The following UCHL5 variants were observed in gnomAD, a reference collection of about 807,000 sequenced individuals.
UCHL5 encodes ubiquitin C-terminal hydrolase L5.
Under a neutral mutation model 53.8 loss-of-function variants are expected in UCHL5, and 34 were observed. The ratio of observed to expected loss-of-function variants is 0.63; its 90% CI spans 0.48 to 0.84. The LOEUF (loss-of-function observed/expected upper bound fraction) is 0.84. Ranked by LOEUF, UCHL5 falls within the 40% of genes least tolerant of loss-of-function variation. The probability of loss-of-function intolerance (pLI) is 0.00; values close to 1 mark genes in which losing one functional copy is unlikely to be tolerated. For synonymous variants in UCHL5, 111 were observed against 126.3 expected, an observed-to-expected ratio of 0.88 and a Z score of 0.81; for missense variants, 290 against 385.6, an observed-to-expected ratio of 0.75 and a Z score of 2.08.
intron 10 of UCHL5, among the ~76,000 whole-genome samples, chr1:193,017,486 C>T (rs1006164713): frequency 3.3e-5 from 5 of 151,540 alleles, no homozygotes; most frequent in African/African-American, 4.8e-5. Context: ...CCAACATCAA[C>T]GTTTTTAGTT....
Position 193,049,763 on chromosome 1 carries a change from T to A in UCHL5, c.229A>T (p.Ile77Leu). Residue 77 changes from isoleucine to leucine, a missense_variant, in exon 3 of 11, where the codon ATA becomes TTA. By Grantham distance (5) the Ile-to-Leu change is conservative (BLOSUM62 2). Transcript: ENST00000367454. ...SVVQDSRLDT[I>L]FFAKQVINNA... ...GACCATACCTGCTTAGCAAAAAATA[T>A]CGTGTCAAGTCGGGAGTCCTGAACC... 9 of 1,610,854 alleles carry A rather than the reference T, an allele frequency of 5.6e-6. No homozygotes were observed. Among genetic ancestry groups the A allele is most frequent in the Non-Finnish European group, 7.6e-6 (9 of 1,178,304 alleles).
rs1249272969 is a variant in UCHL5 at position 193,022,906 on chromosome 1, A to G, written c.843+20T>C. 2 of 1,534,010 alleles carry G rather than the reference A, an allele frequency of 1.3e-6. No individual in the cohort carries two copies. Among genetic ancestry groups the G allele is most frequent in the Non-Finnish European group, 1.8e-6 (2 of 1,109,660 alleles). ...TGCTCTATATTAAAACATTAAAGGAACACATTTTTAAAAACATACCTTGTA... is the reference window on the plus strand; with the variant it reads ...TGCTCTATATTAAAACATTAAAGGAGCACATTTTTAAAAACATACCTTGTA... On this transcript the variant is annotated intron_variant, in intron 9 of 10. Coordinates refer to ENST00000367454, the MANE Select transcript of UCHL5 (RefSeq NM_001199261.3).
At chr1:193,051,234 G>A (rs1668938881) in intron 2 of UCHL5, among the ~76,000 whole-genome samples, 1 of 152,116 alleles carries the variant, frequency 6.6e-6, no homozygotes, top group South Asian at 2.1e-4. Context: ...GTAAGGAGAA[G>A]TTAAAAGAGG....
intron 8 of UCHL5, 21 bp downstream of exon 8, chr1:193,023,823 C>T (rs1399043268): frequency 1.3e-6 from 2 of 1,575,984 alleles, no homozygotes; most frequent in Non-Finnish European, 1.7e-6. Context: ...GAACTTTGTA[C>T]TTAGAAACAT....
chr1:193,015,886 G>A lies in UCHL5; in HGVS notation c.*465C>T, dbSNP rs771833101. 105 of 153,706 alleles carry A rather than the reference G, an allele frequency of 6.8e-4. No individual in the cohort carries two copies. The highest frequency in any genetic ancestry group is 1.2e-3 in the Non-Finnish European group (82 of 69,128). The allele number at this position is 153,706 out of a possible 1,614,324, so 9.5% of individuals were successfully genotyped here. On this transcript the variant is annotated 3_prime_UTR_variant, in exon 11 of 11. Coordinates refer to ENST00000367454, the MANE Select transcript of UCHL5 (RefSeq NM_001199261.3). ...CATACTTTCTCAAATAACTGGTATA[G>A]CAGATAAAATTCAGTTTTAAAATCC...
intron 3 of UCHL5, among the ~76,000 whole-genome samples, chr1:193,036,950 A>G (rs1305842611): frequency 6.6e-6 from 1 of 152,086 alleles, no homozygotes; most frequent in Non-Finnish European, 1.5e-5. Flanking sequence ...AATGCATTGA[A>G]ACAAATAAAA....
chr1:193,045,661 C>A (rs1045980136), intron 3 of UCHL5, among the ~76,000 whole-genome samples: 29 of 152,108 alleles, frequency 1.9e-4, no homozygotes, highest in Non-Finnish European at 3.5e-4. Context: ...TCAGGTATTT[C>A]TTTATAGCAA....
chr1:193,036,993 A>G (rs559834222), intron 3 of UCHL5, among the ~76,000 whole-genome samples: 21 of 152,068 alleles, frequency 1.4e-4, no homozygotes, highest in Non-Finnish European at 2.8e-4. Flanking sequence ...TCTATGAGAT[A>G]TGGCAAAAGC....
In UCHL5 at chr1:193,013,583, A is replaced by T. The variant is rs1460500299; in HGVS notation, c.*2768T>A. ...CTGTAAATAGAAATATGGTAATTTAAATTTTATTTTTACTTATCTGTTTTC... is the reference window on the plus strand; with the variant it reads ...CTGTAAATAGAAATATGGTAATTTATATTTTATTTTTACTTATCTGTTTTC... On this transcript the variant is annotated 3_prime_UTR_variant, in exon 11 of 11. Transcript: ENST00000367454. 6.6e-6 allele frequency: 1 copy of T among 152,160 alleles called. No homozygotes were observed. Among genetic ancestry groups the T allele is most frequent in the African/African-American group, 2.4e-5 (1 of 41,440 alleles). The allele number at this position is 152,160 out of a possible 1,614,324, so 9.4% of individuals were successfully genotyped here.
Position 193,028,066 on chromosome 1 carries a change from A to G in UCHL5, c.629+19T>C. ...TAAAAAACAGAATATTATGCCAATGAGATTAGCTGAGCATTTACTTTTGTA... is the reference window on the plus strand; with the variant it reads ...TAAAAAACAGAATATTATGCCAATGGGATTAGCTGAGCATTTACTTTTGTA... On this transcript the variant is annotated intron_variant, in intron 7 of 10. Coordinates refer to ENST00000367454, the MANE Select transcript of UCHL5 (RefSeq NM_001199261.3). 6.2e-7 allele frequency: 1 copy of G among 1,600,046 alleles called. No homozygotes were observed. Among genetic ancestry groups the G allele is most frequent in the Non-Finnish European group, 8.5e-7 (1 of 1,176,562 alleles).
chr1:193,035,194 T>C lies in UCHL5; in HGVS notation c.247-5537A>G, dbSNP rs1571682054. 2.0e-5 allele frequency among the ~76,000 whole-genome samples: 3 copies of C among 151,808 alleles called. No homozygotes were observed. The East Asian group carries it at 5.8e-4, about 29-fold the overall frequency. ...AGAAAAGTTTAGCAGGATGGCTAAA[T>C]ATAATATTAATAGATGAAAGTGAAC... On this transcript the variant is annotated intron_variant, in intron 3 of 10. Transcript: ENST00000367454.
intron 7 of UCHL5, among the ~76,000 whole-genome samples, 189 bp from the exon 8 acceptor site, chr1:193,024,135 G>T (rs1241865753): frequency 1.3e-5 from 2 of 151,928 alleles, no homozygotes; most frequent in African/African-American, 2.4e-5. Context: ...AGCTACTTGG[G>T]AGGCTCAGGA....
intron 7 of UCHL5, among the ~76,000 whole-genome samples, chr1:193,024,360 C>T (rs1454882371): frequency 6.6e-6 from 1 of 151,358 alleles, no homozygotes. Flanking sequence ...TGTCATAAAA[C>T]ATTTGAAATA....
chr1:193,050,905 T>C (rs144775272), intron 2 of UCHL5, among the ~76,000 whole-genome samples: 200 of 152,304 alleles, frequency 1.3e-3, no homozygotes, highest in African/African-American at 4.6e-3. Context: ...TACAGGCATA[T>C]GCCACCATGC....
At chr1:193,058,346 C>A in intron 1 of UCHL5, among the ~76,000 whole-genome samples, 1 of 152,356 alleles carries the variant, frequency 6.6e-6, no homozygotes, top group Non-Finnish European at 1.5e-5. Context: ...GCAATATCTA[C>A]ATCAACGTTT....
intron 3 of UCHL5, among the ~76,000 whole-genome samples, chr1:193,040,560 T>C (rs953463176): frequency 1.3e-5 from 2 of 152,116 alleles, no homozygotes; most frequent in South Asian, 2.1e-4. Flanking sequence ...TAAATTAGTA[T>C]AGCTACTATG....
intron 3 of UCHL5, among the ~76,000 whole-genome samples, chr1:193,041,718 C>G (rs1040456671): frequency 2.6e-5 from 4 of 152,124 alleles, no homozygotes; most frequent in African/African-American, 9.7e-5. Context: ...GAACAAACTA[C>G]AGAAGATTAA....
At chr1:193,025,718 G>A (rs978170099) in intron 7 of UCHL5, among the ~76,000 whole-genome samples, 4 of 152,034 alleles carry the variant, frequency 2.6e-5, no homozygotes, top group African/African-American at 9.7e-5. Flanking sequence ...TACCCTGTCA[G>A]AGCCATGTCC....
chr1:193,046,400 T>C (rs1233105227), intron 3 of UCHL5, among the ~76,000 whole-genome samples: 1 of 152,020 alleles, frequency 6.6e-6, no homozygotes, highest in Non-Finnish European at 1.5e-5. Context: ...TTAATTAAAT[T>C]ACAGGATATT....
Sources: allele counts gnomAD v4.1 joint callset (sites outside exome capture counted in the v4.1 genomes callset), GRCh38; gene constraint gnomAD v4.1.1; transcripts MANE v1.5; gene names NCBI Gene and HGNC (gene_info 2026-07-23, HGNC 2026-07-21).